Variants in RIC1 observed in about 807,000 individuals in gnomAD.
The protein encoded by RIC1 is RIC1 partner of RAB6A GEF complex, also known as guanine nucleotide exchange factor subunit RIC1.
In RIC1, 88 loss-of-function variants were observed where a neutral mutation model predicts 169.0. The observed-to-expected ratio is 0.52, with a 90% CI of 0.44 to 0.62. RIC1 has a LOEUF of 0.62. Among genes scored for constraint, RIC1 ranks in the 20% least tolerant of loss-of-function variants. RIC1 has a pLI of 0.00. For missense variants in RIC1, 1,877 were observed against 1,725.5 expected (o/e 1.09, Z -1.56); for synonymous variants, 790 against 601.5 (o/e 1.31, Z -4.59).
chr9:5,633,826 C>G (rs947920712), intron 1 of RIC1, among the ~76,000 whole-genome samples: 1 of 152,062 alleles, frequency 6.6e-6, no homozygotes, highest in Non-Finnish European at 1.5e-5. Flanking sequence ...AGTTACTGGG[C>G]CATGCATTAG....
At chr9:5,695,856 C>T (rs1821870588) in intron 3 of RIC1, among the ~76,000 whole-genome samples, 1 of 152,140 alleles carries the variant, frequency 6.6e-6, no homozygotes, top group African/African-American at 2.4e-5. Flanking sequence ...CAGGCGTGAG[C>T]CACTGCACCC....
chr9:5,679,086 A>T (rs1258648521), intron 2 of RIC1, among the ~76,000 whole-genome samples: 1 of 152,106 alleles, frequency 6.6e-6, no homozygotes, highest in East Asian at 1.9e-4. Context: ...TCCCAGCACC[A>T]TTTATTAAAT....
intron 4 of RIC1, among the ~76,000 whole-genome samples, chr9:5,715,466 A>G (rs1823176856): frequency 6.6e-6 from 1 of 152,260 alleles, no homozygotes; most frequent in Non-Finnish European, 1.5e-5. Flanking sequence ...CCAGTGAAAT[A>G]ACTGCATTTC....
chr9:5,637,563 C>A (rs1333226687), intron 1 of RIC1, among the ~76,000 whole-genome samples: 1 of 152,158 alleles, frequency 6.6e-6, no homozygotes, highest in Admixed American at 6.5e-5. Context: ...TACTCATTCT[C>A]TTTTTTTGTA....
intron 7 of RIC1, among the ~76,000 whole-genome samples, chr9:5,737,376 C>T (rs1824779838): frequency 6.6e-6 from 1 of 152,038 alleles, no homozygotes; most frequent in Non-Finnish European, 1.5e-5. Flanking sequence ...TTATAAATTA[C>T]CATCCAACAT....
At chr9:5,635,209 G>A (rs1817913362) in intron 1 of RIC1, among the ~76,000 whole-genome samples, 1 of 152,082 alleles carries the variant, frequency 6.6e-6, no homozygotes, top group Non-Finnish European at 1.5e-5. Context: ...CAGACTCCTG[G>A]ACACAAGTGA....
intron 6 of RIC1, among the ~76,000 whole-genome samples, 181 bp from the exon 7 acceptor site, chr9:5,732,207 G>A (rs1027978541): frequency 6.6e-6 from 1 of 152,082 alleles, no homozygotes; most frequent in Non-Finnish European, 1.5e-5. Context: ...AGGTTTTAAG[G>A]GAGACTATTT....
chr9:5,753,607 A>G lies in RIC1; in HGVS notation c.1563A>G (p.Leu521=). The G allele has an allele frequency of 6.2e-7, 1 of 1,609,942 alleles. No individual in the cohort carries two copies. The highest frequency in any genetic ancestry group is 2.2e-5 in the East Asian group (1 of 44,742). The change falls in exon 14 of 26, where the codon TTA becomes TTG. Residue 521 remains leucine (L), a synonymous_variant. Coordinates refer to ENST00000414202, the MANE Select transcript of RIC1 (RefSeq NM_020829.4). ...AGTTTGGTTTTGCACATTACTCTTT[A>G]CTCACCAAAAAATGGAAACTTTTTG... The part of the protein sequence containing the change: ...VGKFGFAHYS[L]LTKKWKLFGN...
intron 2 of RIC1, among the ~76,000 whole-genome samples, 166 bp downstream of exon 2, chr9:5,656,856 A>T (rs564316206): frequency 6.6e-6 from 1 of 152,188 alleles, no homozygotes; most frequent in Admixed American, 6.5e-5. Context: ...TACTCCTACT[A>T]TAGCTTTTCT....
At chr9:5,724,492 A>G (rs1181045195) in intron 6 of RIC1, among the ~76,000 whole-genome samples, 1 of 152,240 alleles carries the variant, frequency 6.6e-6, no homozygotes, top group East Asian at 1.9e-4. Flanking sequence ...ATATACAATC[A>G]TGTCATCTGC....
intron 6 of RIC1, among the ~76,000 whole-genome samples, chr9:5,725,192 T>G (rs1823886358): frequency 6.6e-6 from 1 of 152,188 alleles, no homozygotes; most frequent in South Asian, 2.1e-4. Flanking sequence ...CGTCCTGGAC[T>G]TTTTTTGGTT....
chr9:5,710,551 G>A (rs2130814314), intron 3 of RIC1, among the ~76,000 whole-genome samples: 1 of 152,292 alleles, frequency 6.6e-6, no homozygotes, highest in East Asian at 1.9e-4. Flanking sequence ...ACAGCCTGCA[G>A]ACACGTAGTC....
chr9:5,687,839 G>C (rs1372177064), intron 2 of RIC1, among the ~76,000 whole-genome samples: 1 of 152,100 alleles, frequency 6.6e-6, no homozygotes, highest in African/African-American at 2.4e-5. Context: ...GTCATGCGGA[G>C]ACTCTGTTTA....
At chr9:5,760,166 T>G (rs1826243179) in intron 17 of RIC1, among the ~76,000 whole-genome samples, 1 of 152,226 alleles carries the variant, frequency 6.6e-6, no homozygotes, top group Non-Finnish European at 1.5e-5. Flanking sequence ...AGTCTCTCCA[T>G]GAGAGTGAGC....
chr9:5,711,919 G>A (rs1822954519), intron 3 of RIC1, among the ~76,000 whole-genome samples: 1 of 152,088 alleles, frequency 6.6e-6, no homozygotes, highest in Non-Finnish European at 1.5e-5. Flanking sequence ...CCTTTTATAT[G>A]GCTGCATAGT....
At chr9:5,678,986 T>C (rs542527349) in intron 2 of RIC1, among the ~76,000 whole-genome samples, 288 of 152,242 alleles carry the variant, frequency 1.9e-3, no homozygotes, top group African/African-American at 6.4e-3. Flanking sequence ...AGGTCTAACA[T>C]TTAAGTCTTT....
chr9:5,721,857 T>C (rs938720146), intron 6 of RIC1, among the ~76,000 whole-genome samples: 1 of 152,150 alleles, frequency 6.6e-6, no homozygotes, highest in African/African-American at 2.4e-5. Context: ...TTCAAACATA[T>C]TAGCTGTTCT....
intron 3 of RIC1, among the ~76,000 whole-genome samples, chr9:5,690,787 T>C (rs899423887): frequency 6.6e-6 from 1 of 151,854 alleles, no homozygotes; most frequent in Admixed American, 6.5e-5. Flanking sequence ...TAGGGCCAAG[T>C]CTTACTACTT....
chr9:5,778,253 T>A (rs937399328), downstream of RIC1, among the ~76,000 whole-genome samples: 1 of 152,242 alleles, frequency 6.6e-6, no homozygotes, highest in Non-Finnish European at 1.5e-5. Flanking sequence ...CTTCTGTATA[T>A]TGACATTGCA....
Sources: allele counts gnomAD v4.1 joint callset (sites outside exome capture counted in the v4.1 genomes callset), GRCh38; gene constraint gnomAD v4.1.1; transcripts MANE v1.5; gene names NCBI Gene and HGNC (gene_info 2026-07-23, HGNC 2026-07-21).